Variants in SEMA4F observed in about 807,000 individuals in gnomAD.
SEMA4F encodes the protein semaphorin-4F.
In SEMA4F, 51 loss-of-function variants were observed where a neutral mutation model predicts 78.4. That is an observed-to-expected ratio of 0.65 (90% CI 0.52 to 0.82). The LOEUF (loss-of-function observed/expected upper bound fraction) is 0.82. SEMA4F is among the 40% of genes least tolerant of loss of function. The pLI is 0.00. For synonymous variants in SEMA4F, 418 were observed against 408.7 expected, an observed-to-expected ratio of 1.02 and a Z score of -0.27; for missense variants, 938 against 1,014.4, an observed-to-expected ratio of 0.92 and a Z score of 1.02.
At chr2:74,699,337 C>T in the SEMA4F span, among the ~76,000 whole-genome samples, 1 of 152,204 alleles carries the variant, frequency 6.6e-6, no homozygotes, top group Non-Finnish European at 1.5e-5. Context: ...CAGACTATGG[C>T]CCACTTTACT....
intron 2 of SEMA4F, among the ~76,000 whole-genome samples, chr2:74,657,168 C>T (rs560947070): frequency 6.6e-6 from 1 of 152,258 alleles, no homozygotes; most frequent in Non-Finnish European, 1.5e-5. Context: ...GGATGCTCAA[C>T]CAGTATGTAT....
the SEMA4F span, among the ~76,000 whole-genome samples, chr2:74,696,144 A>G: frequency 1.3e-5 from 2 of 148,712 alleles, no homozygotes; most frequent in Non-Finnish European, 1.5e-5. Flanking sequence ...TTAAAAATAT[A>G]TATATAAAAG....
rs1471816406 is a variant in SEMA4F at position 74,658,487 on chromosome 2, A to G, written c.456+536A>G. On this transcript the variant is annotated intron_variant, in intron 4 of 13. Transcript: ENST00000357877. This position sits in a 1 kb window ranked among gnomAD's most constrained non-coding sequence, Gnocchi z 4.3. ...CTGATGTCACTTCCACTAATGTAAT[A>G]TCTGCTGGCCCCATATTCTGGATCT... Among the ~76,000 whole-genome samples the G allele has an allele frequency of 1.3e-5, 2 of 152,198 alleles. No individual in the cohort carries two copies. The highest frequency in any genetic ancestry group is 3.8e-4 in the East Asian group (2 of 5,200).
At chr2:74,679,404 T>A in intron 13 of SEMA4F, 70 bp downstream of exon 13, 1 of 1,500,562 alleles carries the variant, frequency 6.7e-7, no homozygotes, top group African/African-American at 1.4e-5. Context: ...GAGTTGTTCA[T>A]TTTGGAACGA....
Position 74,658,444 on chromosome 2 carries a change from T to G in SEMA4F, c.456+493T>G, listed in dbSNP as rs1684267921. Among the ~76,000 whole-genome samples the G allele has an allele frequency of 6.6e-6, 1 of 152,214 alleles. No homozygotes were observed. Among genetic ancestry groups the G allele is most frequent in the Non-Finnish European group, 1.5e-5 (1 of 68,034 alleles). On this transcript the variant is annotated intron_variant, in intron 4 of 13. Coordinates refer to ENST00000357877, the MANE Select transcript of SEMA4F (RefSeq NM_004263.5). The surrounding 1 kb of genome is among the most constrained non-coding windows in gnomAD (Gnocchi z 4.3). ...AACCTCATTGTATATGGGCTGTGAG[T>G]CTCTCCTCTCATGGCTTCTGATGTC...
At chr2:74,706,224 G>T in the SEMA4F span, among the ~76,000 whole-genome samples, 2 of 152,088 alleles carry the variant, frequency 1.3e-5, no homozygotes, top group South Asian at 4.1e-4. Flanking sequence ...ACAGATAAGG[G>T]AACTGAGGCT....
chr2:74,705,750 A>G, the SEMA4F span, among the ~76,000 whole-genome samples: 521 of 152,024 alleles, frequency 3.4e-3, 4 homozygotes, highest in African/African-American at 0.012. Flanking sequence ...TTTTTTGTAG[A>G]GATGGGATCT....
rs765927376 is a variant in SEMA4F, at chr2:74,675,566, C to T, written c.1414C>T (p.Leu472Phe). Reference protein sequence around the residue: ...LHRAVRIGAQLSVLEDLALFP... With the variant: ...LHRAVRIGAQFSVLEDLALFP... ...CCGAGCAGTGCGGATCGGAGCTCAG[C>T]TCAGCGTTCTTGAAGATCTGGCCTT... The change falls in exon 11 of 14, where the codon CTC becomes TTC. Residue 472 changes from leucine (L) to phenylalanine (F), a missense_variant. Leu to Phe is a conservative substitution (Grantham distance 22). Coordinates refer to ENST00000357877, the MANE Select transcript of SEMA4F (RefSeq NM_004263.5). 1.2e-6 allele frequency: 2 copies of T among 1,614,192 alleles called. No individual in the cohort carries two copies. Among genetic ancestry groups the T allele is most frequent in the South Asian group, 1.1e-5 (1 of 91,080 alleles).
downstream of SEMA4F, among the ~76,000 whole-genome samples, chr2:74,687,853 T>C (rs1685852375): frequency 6.6e-6 from 1 of 152,196 alleles, no homozygotes; most frequent in African/African-American, 2.4e-5. Flanking sequence ...TTGTGTCTGG[T>C]TGTCCACAGG....
Position 74,669,585 on chromosome 2 carries a change from A to AAACAAC in SEMA4F, c.551-3845_551-3840dup, listed in dbSNP as rs150974049. ...GGGCAACGGAGCTAGACTCTGTCTCAAACAACAACAACAACAACAACAACA... is the reference window on the plus strand; with the variant it reads ...GGGCAACGGAGCTAGACTCTGTCTCAAACAACAACAACAACAACAACAACAACAACA... On this transcript the variant is annotated intron_variant, in intron 5 of 13. Transcript: ENST00000357877. Among the ~76,000 whole-genome samples, 443 of 151,442 alleles carry AAACAAC rather than the reference A, an allele frequency of 2.9e-3. 4 individuals carry two copies. The highest frequency in any genetic ancestry group is 8.6e-3 in the African/African-American group (355 of 41,128).
At position 74,683,513 on chromosome 2, in the gene SEMA4F, T is replaced by C. The variant is rs148501644; in HGVS notation, c.*3304T>C. ...TATGCCCTGCTTCCATGCCACTTCC[T>C]CAGATGTGACAGACCTCTGCTGGGA... is the stretch of plus-strand genomic sequence containing the variant. On this transcript the variant is annotated 3_prime_UTR_variant, in exon 14 of 14. Transcript: ENST00000357877. 7.6e-3 allele frequency: 1,156 copies of C among 152,360 alleles called. 5 individuals carry two copies. The highest frequency in any genetic ancestry group is 7.8e-3 in the Non-Finnish European group (528 of 68,042). 9.4% of individuals were successfully genotyped at this position (152,360 alleles called of 1,614,324 possible).
At position 74,678,114 on chromosome 2, in the gene SEMA4F, T is replaced by C. The variant is rs1368717851; in HGVS notation, c.1644-1162T>C. ...CTTTTAGTTTTTTGGGGGAGAACTT[T>C]TAAACATCTAAGAGAAAAGCAAGGG... On this transcript the variant is annotated intron_variant, in intron 12 of 13. Transcript: ENST00000357877. Among the ~76,000 whole-genome samples the C allele has an allele frequency of 4.6e-5, 7 of 152,206 alleles. No homozygotes were observed. The South Asian group carries it at 6.2e-4, about 14-fold the overall frequency.
At chr2:74,708,020 G>C in the SEMA4F span, among the ~76,000 whole-genome samples, 1 of 152,162 alleles carries the variant, frequency 6.6e-6, no homozygotes, top group East Asian at 1.9e-4. Context: ...GTTCCCACCT[G>C]CCAGATTGGA....
chr2:74,657,058 A>C (rs1382924565), intron 2 of SEMA4F, among the ~76,000 whole-genome samples: 2 of 152,150 alleles, frequency 1.3e-5, no homozygotes, highest in African/African-American at 2.4e-5. Context: ...TAAAAATCCA[A>C]AATTCAAAAT....
chr2:74,700,944 C>A, the SEMA4F span, among the ~76,000 whole-genome samples: 1 of 152,296 alleles, frequency 6.6e-6, no homozygotes, highest in South Asian at 2.1e-4. Context: ...CTGTGAGATA[C>A]CCCAGTGTCA....
intron 5 of SEMA4F, among the ~76,000 whole-genome samples, chr2:74,670,941 T>C (rs1337628356): frequency 2.6e-5 from 4 of 151,946 alleles, no homozygotes; most frequent in African/African-American, 9.7e-5. Flanking sequence ...CATAAGGAGC[T>C]ATAACTAACA....
At chr2:74,690,881 A>T in the SEMA4F span, among the ~76,000 whole-genome samples, 1 of 152,218 alleles carries the variant, frequency 6.6e-6, no homozygotes. Flanking sequence ...CTAACCTTTG[A>T]GTAATGTGTA....
At chr2:74,699,225 A>C in the SEMA4F span, among the ~76,000 whole-genome samples, 1 of 152,230 alleles carries the variant, frequency 6.6e-6, no homozygotes, top group Non-Finnish European at 1.5e-5. Flanking sequence ...GGTCTTCTTT[A>C]GGTTCAGCTG....
At chr2:74,685,021 C>G (rs374653346), downstream of SEMA4F, among the ~76,000 whole-genome samples, 25 of 152,310 alleles carry the variant, frequency 1.6e-4, 1 homozygote, top group East Asian at 3.5e-3. Flanking sequence ...TTGCTAGGAC[C>G]AAGAGCTGCT....
Sources: gnomAD v4.1 joint callset for allele counts (sites outside exome capture counted in the v4.1 genomes callset) on GRCh38, gnomAD v4.1.1 for gene constraint, Gnocchi (gnomAD v3.1) non-coding constraint, MANE v1.5 for transcripts, NCBI Gene and HGNC (gene_info 2026-07-23, HGNC 2026-07-21) for gene names.